Variants in NPAS3 observed in about 807,000 individuals in gnomAD.
NPAS3 encodes neuronal PAS domain protein 3.
A neutral mutation model predicts 73.1 loss-of-function variants in NPAS3; 14 were observed. The ratio of observed to expected loss-of-function variants is 0.19; its 90% CI spans 0.13 to 0.30. The LOEUF (loss-of-function observed/expected upper bound fraction) is 0.30, where lower values mean the gene tolerates loss of function less well. Ranked by LOEUF, NPAS3 falls within the 10% of genes least tolerant of loss-of-function variation. The pLI is 1.00. For synonymous variants in NPAS3, 620 were observed against 541.5 expected, an observed-to-expected ratio of 1.14 and a Z score of -2.01; for missense variants, 1,096 against 1,250.0, an observed-to-expected ratio of 0.88 and a Z score of 1.86.
chr14:33,718,519 C>A (rs1391728289), intron 6 of NPAS3, among the ~76,000 whole-genome samples: 1 of 152,166 alleles, frequency 6.6e-6, no homozygotes, highest in Non-Finnish European at 1.5e-5. Context: ...TATCCAAAAT[C>A]ATGTTGATGA....
chr14:33,318,959 C>G (rs1035278858), intron 3 of NPAS3, among the ~76,000 whole-genome samples: 2 of 152,048 alleles, frequency 1.3e-5, no homozygotes, highest in African/African-American at 4.8e-5. Context: ...ACAAGGGACC[C>G]CAAAATACGT....
At chr14:33,418,419 CAACCA>C (rs1347442656) in intron 4 of NPAS3, among the ~76,000 whole-genome samples, 1 of 151,914 alleles carries the variant, frequency 6.6e-6, no homozygotes, top group East Asian at 1.9e-4. Context: ...AGTGTATTAA[CAACCA>C]AGCCAGAAAA....
chr14:32,994,626 G>GTTTTTTTTT (rs1382696309), intron 1 of NPAS3, among the ~76,000 whole-genome samples: 1 of 121,498 alleles, frequency 8.2e-6, no homozygotes, highest in Non-Finnish European at 1.7e-5. Context: ...TTGTTTGTTT[G>GTTTTTTTTT]TTTGTTTTTG....
intron 4 of NPAS3, among the ~76,000 whole-genome samples, chr14:33,513,926 A>G (rs2053179337): frequency 3.3e-5 from 5 of 152,058 alleles, no homozygotes; most frequent in Admixed American, 3.3e-4. Context: ...TTGGAGGAGA[A>G]GACTTGCATG....
chr14:33,613,052 G>A (rs946051269), intron 5 of NPAS3, among the ~76,000 whole-genome samples: 5 of 152,102 alleles, frequency 3.3e-5, no homozygotes, highest in African/African-American at 4.8e-5. Context: ...AGTAATGTAA[G>A]GTAACTGAAA....
chr14:33,121,631 T>C (rs923545003), intron 2 of NPAS3, among the ~76,000 whole-genome samples: 14 of 152,188 alleles, frequency 9.2e-5, no homozygotes, highest in African/African-American at 3.4e-4. Flanking sequence ...AATCAGTCTC[T>C]GTCTCTCTGA....
At chr14:32,936,687 A>C (rs1219359134), upstream of NPAS3, among the ~76,000 whole-genome samples, 2 of 152,144 alleles carry the variant, frequency 1.3e-5, no homozygotes, top group Non-Finnish European at 1.5e-5. Context: ...ATACCATATA[A>C]ATTGGGCATA....
At chr14:33,695,073 A>G (rs1465974371) in intron 6 of NPAS3, among the ~76,000 whole-genome samples, 1 of 152,192 alleles carries the variant, frequency 6.6e-6, no homozygotes, top group African/African-American at 2.4e-5. Context: ...TCCACATCAC[A>G]AAAGGTTACT....
At chr14:33,083,575 G>A (rs1205591320) in intron 2 of NPAS3, among the ~76,000 whole-genome samples, 2 of 152,200 alleles carry the variant, frequency 1.3e-5, no homozygotes, top group African/African-American at 4.8e-5. Flanking sequence ...TGCAGGAAGA[G>A]GAGGTGCAGG....
chr14:33,156,787 G>A (rs540333114), intron 2 of NPAS3, among the ~76,000 whole-genome samples: 27 of 152,050 alleles, frequency 1.8e-4, no homozygotes, highest in Non-Finnish European at 3.2e-4. Context: ...TTGCATTTTA[G>A]TTCTCAGAGA....
chr14:33,793,586 C>G (rs766654190), intron 9 of NPAS3, among the ~76,000 whole-genome samples: 3 of 152,192 alleles, frequency 2.0e-5, no homozygotes, highest in Non-Finnish European at 2.9e-5. Context: ...TTGACAATAT[C>G]CACACCGCAT....
chr14:33,735,466 T>C (rs567290468), intron 7 of NPAS3, 134 bp downstream of exon 7: 1 of 678,492 alleles, frequency 1.5e-6, no homozygotes, highest in African/African-American at 1.8e-5. Flanking sequence ...TTCCCAGTCA[T>C]CTTCCTGTCT....
chr14:33,239,891 T>C (rs243289), intron 3 of NPAS3, among the ~76,000 whole-genome samples: 66,214 of 151,542 alleles, frequency 0.44, 15,008 homozygotes, highest in South Asian at 0.62. Context: ...AGTTAAACAG[T>C]GCAGTAACCG....
intron 5 of NPAS3, among the ~76,000 whole-genome samples, chr14:33,582,765 A>G (rs949897363): frequency 5.3e-5 from 8 of 152,170 alleles, no homozygotes; most frequent in Non-Finnish European, 7.4e-5. Flanking sequence ...TTATTTTTTA[A>G]AATAATTATA....
intron 4 of NPAS3, among the ~76,000 whole-genome samples, chr14:33,394,710 A>G (rs1594827257): frequency 1.3e-5 from 2 of 152,212 alleles, no homozygotes. Context: ...GAAATATAAC[A>G]ATTAGATTTT....
chr14:33,739,280 C>T (rs1317388371), intron 7 of NPAS3, among the ~76,000 whole-genome samples: 1 of 152,158 alleles, frequency 6.6e-6, no homozygotes, highest in East Asian at 1.9e-4. Flanking sequence ...AATAGTCCCC[C>T]ATCTGGGATG....
At chr14:33,413,302 C>T (rs935014202) in intron 4 of NPAS3, among the ~76,000 whole-genome samples, 2 of 151,440 alleles carry the variant, frequency 1.3e-5, no homozygotes, top group African/African-American at 4.9e-5. Context: ...TCATTTGCTA[C>T]CGATAGCACT....
At chr14:33,731,844 C>T (rs1192220552) in intron 6 of NPAS3, among the ~76,000 whole-genome samples, 1 of 152,072 alleles carries the variant, frequency 6.6e-6, no homozygotes, top group Non-Finnish European at 1.5e-5. Context: ...GAGATTGAGC[C>T]AAATAGAGTA....
chr14:33,407,487 A>G (rs2047718470), intron 4 of NPAS3, among the ~76,000 whole-genome samples: 2 of 152,028 alleles, frequency 1.3e-5, no homozygotes, highest in South Asian at 4.1e-4. Context: ...ATTTCTTCCA[A>G]TTTTTAGTAT....
Sources: allele counts gnomAD v4.1 joint callset (sites outside exome capture counted in the v4.1 genomes callset), GRCh38; gene constraint gnomAD v4.1.1; transcripts MANE v1.5; gene names NCBI Gene and HGNC (gene_info 2026-07-23, HGNC 2026-07-21).